SETX: variants seen among roughly 807,000 people sequenced by gnomAD.
SETX encodes the protein helicase senataxin.
SETX carries 90 observed loss-of-function variants against 227.2 expected under a neutral mutation model. The observed-to-expected ratio is 0.40, with a 90% CI of 0.33 to 0.47. The LOEUF is 0.47. Ranked by LOEUF, SETX falls within the 20% of genes least tolerant of loss-of-function variation. SETX has a pLI of 0.91. For missense variants in SETX, 3,052 were observed against 3,181.5 expected, an observed-to-expected ratio of 0.96 and a Z score of 0.98; for synonymous variants, 1,210 against 1,113.2, an observed-to-expected ratio of 1.09 and a Z score of -1.73.
chr9:132,323,807 G>A lies in SETX; in HGVS notation c.5274+2517C>T, dbSNP rs550891479. ...AGTCCCAGTTATTCAAGAGGCTGTG[G>A]TGGAAGGACTACCAGAGGCCAAGAG... is the stretch of plus-strand genomic sequence containing the variant. On this transcript the variant is annotated intron_variant, in intron 10 of 25. Transcript: ENST00000224140. 8.5e-4 allele frequency among the ~76,000 whole-genome samples: 129 copies of A among 152,158 alleles called. 1 individual carries two copies. The highest frequency in any genetic ancestry group is 3.0e-3 in the African/African-American group (125 of 41,512).
At chr9:132,331,213 A>C in intron 8 of SETX, 64 bp downstream of exon 8, 1 of 1,608,118 alleles carries the variant, frequency 6.2e-7, no homozygotes, top group South Asian at 1.1e-5. Flanking sequence ...CTTGTTAAGT[A>C]ATCTAGCTGG....
intron 25 of SETX, among the ~76,000 whole-genome samples, chr9:132,265,416 G>A (rs910290757): frequency 2.0e-5 from 3 of 151,828 alleles, no homozygotes; most frequent in Admixed American, 6.6e-5. Flanking sequence ...TAGTAGAGAC[G>A]GGGTTTCATC....
chr9:132,281,355 C>T lies in SETX; in HGVS notation c.6654+112G>A, dbSNP rs1843489857. On this transcript the variant is annotated intron_variant, in intron 20 of 25. Transcript: ENST00000224140. The stretch of plus-strand genomic sequence containing the variant: ...CTTCTCTTTTCTTAGTTACTGCTTA[C>T]TTTTCCCTCCAAATTAAGAGGCCAA... The T allele has an allele frequency of 9.3e-6, 7 of 749,800 alleles. No homozygotes were observed. In the Admixed American group the frequency reaches 1.1e-4, roughly 11 times the overall value. The allele number at this position is 749,800 out of a possible 1,614,324, so 46.4% of individuals were successfully genotyped here.
At chr9:132,289,906 GT>G (rs1386426113) in intron 15 of SETX, among the ~76,000 whole-genome samples, 5 of 151,990 alleles carry the variant, frequency 3.3e-5, no homozygotes, top group African/African-American at 4.8e-5. Flanking sequence ...CTTCTATTGG[GT>G]TTTTTAAAAT....
intron 10 of SETX, 60 bp downstream of exon 10, chr9:132,326,264 G>T: frequency 1.5e-6 from 2 of 1,294,506 alleles, no homozygotes; most frequent in Non-Finnish European, 2.2e-6. Context: ...TTTTCACTCA[G>T]CAAGGTAAAG....
intron 7 of SETX, among the ~76,000 whole-genome samples, chr9:132,331,673 A>G (rs1230682236): frequency 1.9e-5 from 2 of 102,986 alleles, no homozygotes; most frequent in African/African-American, 1.0e-4. Flanking sequence ...ATACGTCTGT[A>G]AAAAAAAAAA....
At chr9:132,343,712 A>G (rs1848125674) in intron 4 of SETX, among the ~76,000 whole-genome samples, 1 of 152,182 alleles carries the variant, frequency 6.6e-6, no homozygotes, top group Non-Finnish European at 1.5e-5. Context: ...GGATGTTGAT[A>G]ATGTTTCGAT....
chr9:132,288,205 CTGAGT>C lies in SETX; in HGVS notation c.6324+26_6324+30del, dbSNP rs756478085. 1.9e-6 allele frequency: 3 copies of C among 1,566,922 alleles called. No homozygotes were observed. In the East Asian group the frequency reaches 6.7e-5, roughly 35 times the overall value. ...AAAACTTGTTAACTAGTTCGTATAC[CTGAGT>C]TATTATTCAAGAAATGCAAAGATAC... On this transcript the variant is annotated intron_variant, in intron 17 of 25. Coordinates refer to ENST00000224140, the MANE Select transcript of SETX (RefSeq NM_015046.7).
At chr9:132,351,570 G>A (rs1848605546) in intron 2 of SETX, among the ~76,000 whole-genome samples, 2 of 152,194 alleles carry the variant, frequency 1.3e-5, no homozygotes, top group Non-Finnish European at 2.9e-5. Context: ...AGATAACGGA[G>A]AATACTGCTG....
chr9:132,293,379 GA>G (rs976951268), intron 15 of SETX, among the ~76,000 whole-genome samples: 4 of 151,798 alleles, frequency 2.6e-5, no homozygotes, highest in African/African-American at 9.6e-5. Context: ...TACTGAAAAA[GA>G]AAAAAAGGTC....
At chr9:132,278,303 A>T in intron 20 of SETX, 46 bp from the exon 21 acceptor site, 2 of 1,587,354 alleles carry the variant, frequency 1.3e-6, no homozygotes, top group Non-Finnish European at 1.7e-6. Context: ...ATTCATTTAT[A>T]TCTTTCCCAC....
At position 132,327,250 on chromosome 9, in the gene SETX, T is replaced by C; in HGVS notation, c.4348A>G (p.Thr1450Ala). Residue 1450 changes from threonine (T) to alanine (A), a missense_variant, in exon 10 of 26, where the codon ACA (threonine) becomes GCA (alanine). Thr to Ala is a moderately conservative substitution (Grantham distance 58). Transcript: ENST00000224140. ...NQCDSVVLNG[T>A]VPTNEVIVST... ...ACAATTACTTCATTTGTTGGTACTG[T>C]TCCATTTAACACTACAGAATCACAC... 6.2e-7 allele frequency: 1 copy of C among 1,614,206 alleles called. No individual in the cohort carries two copies. The highest frequency in any genetic ancestry group is 1.1e-5 in the South Asian group (1 of 91,076).
chr9:132,331,087 T>A lies in SETX; in HGVS notation c.1063A>T (p.Ile355Phe), dbSNP rs1178270011. ...TTTTCAGGATTATAATTGTATACGA[T>A]CTGGCTGCAAGTCACCATATCATCC... ...YLDDMVTCSQ[I>F]VYNYNPEKTK... Residue 355 changes from isoleucine to phenylalanine, a missense_variant, in exon 9 of 26, where the codon ATC (isoleucine) becomes TTC (phenylalanine). By Grantham distance (21) the Ile-to-Phe change is conservative. Transcript: ENST00000224140. The A allele has an allele frequency of 6.2e-7, 1 of 1,613,348 alleles. No individual in the cohort carries two copies. Among genetic ancestry groups the A allele is most frequent in the Non-Finnish European group, 8.5e-7 (1 of 1,179,310 alleles).
intron 10 of SETX, among the ~76,000 whole-genome samples, chr9:132,321,105 T>A (rs556413520): frequency 6.6e-6 from 1 of 152,160 alleles, no homozygotes; most frequent in East Asian, 1.9e-4. Flanking sequence ...CTCTCCTCCG[T>A]CCCCCACTCC....
chr9:132,324,173 T>C (rs1037392900), intron 10 of SETX, among the ~76,000 whole-genome samples: 3 of 152,132 alleles, frequency 2.0e-5, no homozygotes, highest in Admixed American at 6.5e-5. Flanking sequence ...TGTCTACCCT[T>C]CATAGGGTTA....
chr9:132,292,385 T>C lies in SETX; in HGVS notation c.6106+3487A>G, dbSNP rs373074971. On this transcript the variant is annotated intron_variant, in intron 15 of 25. Coordinates refer to ENST00000224140, the MANE Select transcript of SETX (RefSeq NM_015046.7). Reference sequence around the variant, plus strand: ...GCAAGGCTGCACTGAGCCATGATCATGCCAATGTACCCCAGCCTGAGCTGG... The same window carrying C: ...GCAAGGCTGCACTGAGCCATGATCACGCCAATGTACCCCAGCCTGAGCTGG... 4.6e-5 allele frequency among the ~76,000 whole-genome samples: 6 copies of C among 129,144 alleles called. No individual in the cohort carries two copies. The South Asian group carries it at 1.4e-3, about 30-fold the overall frequency. The allele number at this position is 129,144 out of a possible 152,430, so 84.7% of individuals were successfully genotyped here. A position where few individuals can be genotyped will look rare whatever the true frequency, so the allele number is the denominator to read the frequency against.
intron 15 of SETX, among the ~76,000 whole-genome samples, chr9:132,290,246 A>T (rs900226977): frequency 3.3e-5 from 5 of 150,746 alleles, no homozygotes; most frequent in African/African-American, 7.3e-5. Flanking sequence ...ATTCGTCTTT[A>T]TTTTTTTTCC....
At chr9:132,291,196 T>C (rs1170742192) in intron 15 of SETX, among the ~76,000 whole-genome samples, 1 of 143,882 alleles carries the variant, frequency 7.0e-6, no homozygotes, top group African/African-American at 2.6e-5. Context: ...AGACGGAGTC[T>C]TGCTCTGTCT....
chr9:132,276,054 C>T (rs532876246), intron 22 of SETX, among the ~76,000 whole-genome samples: 1 of 152,240 alleles, frequency 6.6e-6, no homozygotes, highest in South Asian at 2.1e-4. Flanking sequence ...CACATGCTCC[C>T]TCATGACCAT....
Sources: allele counts gnomAD v4.1 joint callset (sites outside exome capture counted in the v4.1 genomes callset), GRCh38; gene constraint gnomAD v4.1.1; transcripts MANE v1.5; gene names NCBI Gene and HGNC (gene_info 2026-07-23, HGNC 2026-07-21).